AP4S1: variants seen among roughly 807,000 people sequenced by gnomAD.
AP4S1 encodes adaptor related protein complex 4 subunit sigma 1, also known as AP-4 complex subunit sigma-1.
A neutral mutation model predicts 19.8 loss-of-function variants in AP4S1; 23 were observed. That is an observed-to-expected ratio of 1.16 (90% CI 0.84 to 1.65). AP4S1 has a LOEUF of 1.65. Among genes scored for constraint, AP4S1 ranks in the 40% most tolerant of loss-of-function variants. The probability of loss-of-function intolerance (pLI) is 0.00; values close to 1 mark genes in which losing one functional copy is unlikely to be tolerated. For synonymous variants in AP4S1, 46 were observed against 54.1 expected (o/e 0.85, Z 0.66); for missense variants, 166 against 172.8 (o/e 0.96, Z 0.22).
chr14:31,065,347 ACT>A (rs761079442), intron 1 of AP4S1, among the ~76,000 whole-genome samples: 43 of 151,998 alleles, frequency 2.8e-4, no homozygotes, highest in Non-Finnish European at 4.3e-4. Context: ...GCAGTTCTTC[ACT>A]CTCCTGTGAT....
Position 31,093,141 on chromosome 14 carries a change from T to C in AP4S1, c.*106T>C, listed in dbSNP as rs1888120842. 2 of 1,167,624 alleles carry C rather than the reference T, an allele frequency of 1.7e-6. No homozygotes were observed. Among genetic ancestry groups the C allele is most frequent in the Non-Finnish European group, 2.4e-6 (2 of 848,826 alleles). The allele number at this position is 1,167,624 out of a possible 1,614,324, so 72.3% of individuals were successfully genotyped here. A position where few individuals can be genotyped will look rare whatever the true frequency, so the allele number is the denominator to read the frequency against. On this transcript the variant is annotated 3_prime_UTR_variant, in exon 6 of 6. Transcript: ENST00000542754. The stretch of plus-strand genomic sequence containing the variant: ...AATCTGGAAGACCACAATTACAAAA[T>C]GGGGTATCCTTCCAAAGACATTATA...
At chr14:31,085,695 C>A in intron 5 of AP4S1, 1 of 678,262 alleles carries the variant, frequency 1.5e-6, no homozygotes, top group Non-Finnish European at 1.8e-6. Flanking sequence ...ATCACTTGAG[C>A]CTGGGGGACT....
At chr14:31,072,807 A>G (rs1887086955) in intron 3 of AP4S1, 98 bp from the exon 4 acceptor site, 2 of 963,752 alleles carry the variant, frequency 2.1e-6, no homozygotes, top group Admixed American at 1.8e-5. Flanking sequence ...TCACTAAGCC[A>G]CATGCTCTAA....
chr14:31,048,837 C>A (rs906978081), intron 1 of AP4S1, among the ~76,000 whole-genome samples: 2 of 152,096 alleles, frequency 1.3e-5, no homozygotes, highest in Admixed American at 1.3e-4. Context: ...GGAGAGACAC[C>A]CTGTGGTTTT....
At chr14:31,061,333 C>T (rs766366111) in intron 1 of AP4S1, among the ~76,000 whole-genome samples, 15 of 152,064 alleles carry the variant, frequency 9.9e-5, no homozygotes, top group Non-Finnish European at 2.1e-4. Context: ...TCAACTCTAC[C>T]CTTCAACAAG....
chr14:31,076,047 A>T (rs993090310), intron 4 of AP4S1, among the ~76,000 whole-genome samples: 1 of 152,034 alleles, frequency 6.6e-6, no homozygotes, highest in Non-Finnish European at 1.5e-5. Flanking sequence ...GATATACCAA[A>T]TTTTTTTATC....
Position 31,056,481 on chromosome 14 carries a change from C to G in AP4S1, c.-71-9645C>G, listed in dbSNP as rs538275257. Among the ~76,000 whole-genome samples, 3 of 152,264 alleles carry G rather than the reference C, an allele frequency of 2.0e-5. No homozygotes were observed. The East Asian group carries it at 5.8e-4, about 29-fold the overall frequency. Reference sequence around the variant, plus strand: ...TCGGGCGATTCTCCTGCCTCAGCCTCCTAAGTAGCTAGGATTACAGGTGTC... The same window carrying G: ...TCGGGCGATTCTCCTGCCTCAGCCTGCTAAGTAGCTAGGATTACAGGTGTC... On this transcript the variant is annotated intron_variant, in intron 1 of 5. Transcript: ENST00000542754.
intron 5 of AP4S1, among the ~76,000 whole-genome samples, chr14:31,089,960 A>G (rs1365281862): frequency 6.6e-6 from 1 of 152,198 alleles, no homozygotes; most frequent in Admixed American, 6.5e-5. Context: ...AAACATTTCA[A>G]TCACTGTATT....
intron 1 of AP4S1, among the ~76,000 whole-genome samples, chr14:31,034,711 G>A (rs773623898): frequency 1.1e-4 from 16 of 148,162 alleles, no homozygotes; most frequent in African/African-American, 2.5e-4. Flanking sequence ...TCCGCCTCCC[G>A]GGTTCAAGCT....
chr14:31,066,485 G>A (rs1594681085), intron 2 of AP4S1, 151 bp downstream of exon 2: 1 of 1,091,524 alleles, frequency 9.2e-7, no homozygotes, highest in East Asian at 2.4e-5. Flanking sequence ...AAAACTGAAA[G>A]AAGCATAGCT....
intron 5 of AP4S1, chr14:31,084,908 C>T (rs1354095554): frequency 6.2e-7 from 1 of 1,613,946 alleles, no homozygotes; most frequent in Non-Finnish European, 8.5e-7. Flanking sequence ...CACCAATGAA[C>T]AGCACAGTAT....
chr14:31,059,947 T>A (rs1039229706), intron 1 of AP4S1, among the ~76,000 whole-genome samples: 160 of 143,832 alleles, frequency 1.1e-3, no homozygotes, highest in African/African-American at 3.7e-3. Context: ...ATATATATAT[T>A]TATTTATTTA....
rs192110782 is a variant in AP4S1 at position 31,026,432 on chromosome 14, G to C, written c.-72+645G>C. On this transcript the variant is annotated intron_variant, in intron 1 of 5. Transcript: ENST00000542754. ...AAGGGGGGGCCTCGGCGGGAGGGGT[G>C]GGGGGAGAGTTGGGAAGGGGATAGG... 3.5e-3 allele frequency: 1,412 copies of C among 407,544 alleles called. 52 individuals carry two copies. The highest frequency in any genetic ancestry group is 3.8e-3 in the Non-Finnish European group (871 of 231,324). The allele number at this position is 407,544 out of a possible 1,614,324, so 25.2% of individuals were successfully genotyped here.
intron 4 of AP4S1, among the ~76,000 whole-genome samples, chr14:31,074,423 C>G (rs1471792077): frequency 6.6e-6 from 1 of 151,944 alleles, no homozygotes; most frequent in Non-Finnish European, 1.5e-5. Flanking sequence ...GAGGCCGAGG[C>G]AGGCCGATCA....
chr14:31,025,936 C>T lies in AP4S1; in HGVS notation c.-72+149C>T, dbSNP rs1274395418. 1.9e-6 allele frequency: 3 copies of T among 1,600,538 alleles called. No homozygotes were observed. In the South Asian group the frequency reaches 3.4e-5, roughly 18 times the overall value. The stretch of plus-strand genomic sequence containing the variant: ...TCGGCCCGTTCCACCTCCCAGTGCG[C>T]CCGCTCCATCTCGAACCGAGCCCAC... On this transcript the variant is annotated intron_variant, in intron 1 of 5. Transcript: ENST00000542754.
chr14:31,083,706 C>T, intron 5 of AP4S1: 1 of 367,816 alleles, frequency 2.7e-6, no homozygotes, highest in Non-Finnish European at 5.4e-6. Flanking sequence ...GATGGGGTCT[C>T]ACTCTGTTGC....
chr14:31,067,613 G>A (rs1299254594), intron 2 of AP4S1, among the ~76,000 whole-genome samples: 2 of 151,414 alleles, frequency 1.3e-5, no homozygotes, highest in Non-Finnish European at 2.9e-5. Flanking sequence ...CCACTTCCCG[G>A]GTTCAAGCGA....
intron 1 of AP4S1, among the ~76,000 whole-genome samples, chr14:31,049,426 A>AAAAAAAAAAATAT (rs1885618327): frequency 4.6e-5 from 2 of 43,086 alleles, no homozygotes; most frequent in Non-Finnish European, 4.1e-5. Context: ...AAAAAAAAAA[A>AAAAAAAAAAATAT]AAATATATAT....
chr14:31,073,613 T>TA (rs1303539231), intron 4 of AP4S1, among the ~76,000 whole-genome samples: 1 of 151,648 alleles, frequency 6.6e-6, no homozygotes, highest in Non-Finnish European at 1.5e-5. Context: ...TTTATTTTTT[T>TA]ATTTTTTGAG....
Sources: gnomAD v4.1 joint callset for allele counts (sites outside exome capture counted in the v4.1 genomes callset) on GRCh38, gnomAD v4.1.1 for gene constraint, MANE v1.5 for transcripts, NCBI Gene and HGNC (gene_info 2026-07-23, HGNC 2026-07-21) for gene names.